The following EDEM2 variants were observed in gnomAD, a reference collection of about 807,000 sequenced individuals.
EDEM2 encodes the protein ER degradation enhancing alpha-mannosidase like protein 2.
In EDEM2, 39 loss-of-function variants were observed where a neutral mutation model predicts 64.8. The ratio of observed to expected loss-of-function variants is 0.60; its 90% CI spans 0.47 to 0.79. The LOEUF (loss-of-function observed/expected upper bound fraction) is 0.79. Among genes scored for constraint, EDEM2 ranks in the 30% least tolerant of loss-of-function variants. The pLI is 0.00. For missense variants in EDEM2, 609 were observed against 731.3 expected (o/e 0.83, Z 1.93); for synonymous variants, 296 against 291.5 (o/e 1.02, Z -0.16).
At chr20:35,147,101 C>T (rs770383086) in intron 1 of EDEM2, 51 bp downstream of exon 1, 3 of 1,574,222 alleles carry the variant, frequency 1.9e-6, no homozygotes, top group Admixed American at 3.5e-5. Context: ...GGGAAAGGAC[C>T]GGGTTCACGC....
chr20:35,124,952 G>C (rs1229975617), intron 8 of EDEM2, among the ~76,000 whole-genome samples: 1 of 152,114 alleles, frequency 6.6e-6, no homozygotes, highest in African/African-American at 2.4e-5. Context: ...TGGGTCAAAG[G>C]ATATATGCAT....
At chr20:35,126,682 GT>G (rs2085437685) in intron 7 of EDEM2, among the ~76,000 whole-genome samples, 1 of 152,132 alleles carries the variant, frequency 6.6e-6, no homozygotes, top group African/African-American at 2.4e-5. Flanking sequence ...GGAGGCCGAG[GT>G]GGGCGGATCA....
At chr20:35,142,911 C>A (rs866062473) in intron 3 of EDEM2, among the ~76,000 whole-genome samples, 1 of 152,112 alleles carries the variant, frequency 6.6e-6, no homozygotes, top group South Asian at 2.1e-4. Context: ...TTATGCACCA[C>A]CATGCCCGGC....
Position 35,137,871 on chromosome 20 carries a change from G to T in EDEM2, c.490+9C>A. ...CTTCGTCTCTGCCCCATCTCTGTGT[G>T]GGTCTTACCTGGGAGGAGTTTTCGG... is the stretch of plus-strand genomic sequence containing the variant. On this transcript the variant is annotated intron_variant, in intron 5 of 10. Coordinates refer to ENST00000374492, the MANE Select transcript of EDEM2 (RefSeq NM_018217.3). The T allele has an allele frequency of 6.2e-7, 1 of 1,613,698 alleles. No individual in the cohort carries two copies. Among genetic ancestry groups the T allele is most frequent in the Non-Finnish European group, 8.5e-7 (1 of 1,179,764 alleles).
At chr20:35,126,144 AAAAGTACTCAAGCAATT>A in intron 8 of EDEM2, 90 bp downstream of exon 8, 1 of 1,449,712 alleles carries the variant, frequency 6.9e-7, no homozygotes, top group Non-Finnish European at 9.2e-7. Flanking sequence ...TCCCTCCAAA[AAAAGTACTCAAGCAATT>A]AACAAAGTAC....
chr20:35,125,038 C>G (rs1167072986), intron 8 of EDEM2, among the ~76,000 whole-genome samples: 1 of 152,218 alleles, frequency 6.6e-6, no homozygotes, highest in African/African-American at 2.4e-5. Flanking sequence ...ACCCTGACAT[C>G]TTCATTGGAT....
intron 9 of EDEM2, among the ~76,000 whole-genome samples, chr20:35,121,279 A>G (rs2085365026): frequency 6.6e-6 from 1 of 152,208 alleles, no homozygotes; most frequent in Non-Finnish European, 1.5e-5. Context: ...GATGGATGAC[A>G]GTGACAGATC....
rs1330061745 is a variant in EDEM2 at position 35,134,931 on chromosome 20, C to T, written c.509G>A (p.Gly170Asp). Residue 170 changes from glycine to aspartate, a missense_variant, in exon 6 of 11, where the codon GGC becomes GAC. Gly to Asp is a moderately conservative substitution (Grantham distance 94). Transcript: ENST00000374492. ...TAAGTTCACTGTTCCATATGGCATG[C>T]CAGTGGGGGTCTGAAAGGCTGAACA... The part of the protein sequence containing the change: ...KLLPAFQTPT[G>D]MPYGTVNLLH... 5.6e-6 allele frequency: 9 copies of T among 1,613,926 alleles called. No individual in the cohort carries two copies. The highest frequency in any genetic ancestry group is 1.6e-4 in the Middle Eastern group (1 of 6,084).
At chr20:35,143,613 T>A (rs2085687593) in intron 3 of EDEM2, among the ~76,000 whole-genome samples, 1 of 152,172 alleles carries the variant, frequency 6.6e-6, no homozygotes, top group African/African-American at 2.4e-5. Flanking sequence ...TAGTAACATC[T>A]CAATTTACCC....
intron 10 of EDEM2, chr20:35,117,271 TACAA>T (rs2085320306): frequency 6.6e-6 from 1 of 152,226 alleles, no homozygotes; most frequent in African/African-American, 2.4e-5. Flanking sequence ...GATTACTTGC[TACAA>T]ACATTTATTT....
At chr20:35,138,171 C>T (rs957824330) in intron 4 of EDEM2, among the ~76,000 whole-genome samples, 166 bp from the exon 5 acceptor site, 2 of 152,216 alleles carry the variant, frequency 1.3e-5, no homozygotes, top group East Asian at 3.8e-4. Context: ...AAAAACCTCA[C>T]TCTGTTGGGG....
chr20:35,131,660 G>C lies in EDEM2; in HGVS notation c.826C>G (p.Leu276Val). Reference protein sequence around the residue: ...KGAILLQDKKLMAMFLEYNKA... With the variant: ...KGAILLQDKKVMAMFLEYNKA... ...TTTTTACCTAGGAACATGGCCATGA[G>C]CTTCTTATCCTGAAGCAGGATGGCT... The change falls in exon 7 of 11, where the codon CTC becomes GTC. Residue 276 changes from leucine to valine, a missense_variant. By Grantham distance (32) the Leu-to-Val change is conservative (BLOSUM62 1). Transcript: ENST00000374492. 6.2e-7 allele frequency: 1 copy of C among 1,614,148 alleles called. No individual in the cohort carries two copies. Among genetic ancestry groups the C allele is most frequent in the East Asian group, 2.2e-5 (1 of 44,886 alleles).
intron 3 of EDEM2, among the ~76,000 whole-genome samples, chr20:35,143,722 A>G (rs1333929040): frequency 1.3e-5 from 2 of 152,046 alleles, no homozygotes; most frequent in Admixed American, 1.3e-4. Flanking sequence ...GAACCAGTCC[A>G]AGTCTTTTTT....
At chr20:35,142,740 G>A (rs913896992) in intron 3 of EDEM2, among the ~76,000 whole-genome samples, 1 of 152,190 alleles carries the variant, frequency 6.6e-6, no homozygotes, top group East Asian at 1.9e-4. Context: ...TATAAAGAAC[G>A]CAAACTACGC....
chr20:35,144,898 C>T (rs2085707582), intron 3 of EDEM2, 81 bp downstream of exon 3: 4 of 1,494,558 alleles, frequency 2.7e-6, no homozygotes, highest in Middle Eastern at 1.7e-4. Flanking sequence ...ATTCATTTTT[C>T]ACCCACAGTC....
At position 35,126,374 on chromosome 20, in the gene EDEM2, C is replaced by A; in HGVS notation, c.846G>T (p.Glu282Asp). The A allele has an allele frequency of 6.2e-7, 1 of 1,613,734 alleles. No homozygotes were observed. The highest frequency in any genetic ancestry group is 8.5e-7 in the Non-Finnish European group (1 of 1,179,932). The change falls in exon 8 of 11, where the codon GAG becomes GAT. Residue 282 changes from glutamate (E) to aspartate (D), a missense_variant and splice_region_variant. Glu to Asp is a conservative substitution (Grantham distance 45). Coordinates refer to ENST00000374492, the MANE Select transcript of EDEM2 (RefSeq NM_018217.3). ...TGTAGTTCCGGATGGCTTTGTTATA[C>A]TCTGCAGTGGGGGAGATGGGATAAT... ...QDKKLMAMFL[E>D]YNKAIRNYTR...
rs772919881 is a variant in EDEM2, at chr20:35,137,945, G to A, written c.425C>T (p.Ala142Val). The change falls in exon 5 of 11, where the codon GCT becomes GTT. Residue 142 changes from alanine (A) to valine (V), a missense_variant. Coordinates refer to ENST00000374492, the MANE Select transcript of EDEM2 (RefSeq NM_018217.3). ...GAGAGGCCCGGAACAGGGCCATCCA[G>A]CCTCTACTTCCACCCCAGCCTTCTT... ...LSKKAGVEVEAGWPCSGPLLR... is the reference protein window; with the variant it reads ...LSKKAGVEVEVGWPCSGPLLR... 3 of 1,614,194 alleles carry A rather than the reference G, an allele frequency of 1.9e-6. No homozygotes were observed. In the Admixed American group the frequency reaches 5.0e-5, roughly 27 times the overall value.
chr20:35,123,381 C>T (rs1280602241), intron 9 of EDEM2, among the ~76,000 whole-genome samples: 2 of 152,078 alleles, frequency 1.3e-5, no homozygotes, highest in African/African-American at 2.4e-5. Flanking sequence ...TCACCTGAGG[C>T]TGGGAGTTCA....
chr20:35,144,910 C>T (rs754229702), intron 3 of EDEM2, 69 bp downstream of exon 3: 13 of 1,549,874 alleles, frequency 8.4e-6, no homozygotes, highest in Middle Eastern at 1.7e-4. Flanking sequence ...CCCACAGTCA[C>T]GCTGCCAAAA....
Sources: allele counts gnomAD v4.1 joint callset (sites outside exome capture counted in the v4.1 genomes callset), GRCh38; gene constraint gnomAD v4.1.1; transcripts MANE v1.5; gene names NCBI Gene and HGNC (gene_info 2026-07-23, HGNC 2026-07-21).